The following SEC61A2 variants were observed in gnomAD, a reference collection of about 807,000 sequenced individuals.
SEC61A2 encodes protein transport protein Sec61 subunit alpha isoform 2.
In SEC61A2, 28 loss-of-function variants were observed where a neutral mutation model predicts 59.9. That is an observed-to-expected ratio of 0.47 (90% confidence interval 0.35 to 0.64). The LOEUF (loss-of-function observed/expected upper bound fraction) is 0.64. SEC61A2 is among the 30% of genes least tolerant of loss of function. The pLI is 0.01. For synonymous variants in SEC61A2, 202 were observed against 214.4 expected (o/e 0.94, Z 0.50); for missense variants, 340 against 585.9 (o/e 0.58, Z 4.33).
At chr10:12,163,949 C>T (rs1172445713) in intron 11 of SEC61A2, among the ~76,000 whole-genome samples, 2 of 152,116 alleles carry the variant, frequency 1.3e-5, no homozygotes, top group South Asian at 2.1e-4. Flanking sequence ...CAAGAGGGAA[C>T]GAAAGGTTAC....
chr10:12,168,392 T>C (rs1197800179), downstream of SEC61A2, among the ~76,000 whole-genome samples: 3 of 152,206 alleles, frequency 2.0e-5, no homozygotes, highest in Admixed American at 6.5e-5. The surrounding 1 kb of genome is among the most constrained non-coding windows in gnomAD (Gnocchi z 4.8). Flanking sequence ...ACCTCATTTA[T>C]AGCTGGGGTA....
intron 4 of SEC61A2, among the ~76,000 whole-genome samples, chr10:12,146,012 A>G (rs1159866426): frequency 6.6e-6 from 1 of 151,998 alleles, no homozygotes; most frequent in East Asian, 1.9e-4. Flanking sequence ...ACACTCCCAG[A>G]TTTATTTTAT....
chr10:12,139,437 G>A (rs1365212658), intron 3 of SEC61A2, among the ~76,000 whole-genome samples: 1 of 150,606 alleles, frequency 6.6e-6, no homozygotes, highest in Non-Finnish European at 1.5e-5. Flanking sequence ...ATCACCTGAG[G>A]TTGGGAGTTT....
At position 12,152,399 on chromosome 10, in the gene SEC61A2, G is replaced by A. The variant is rs189995205; in HGVS notation, c.462+2438G>A. 6.6e-5 allele frequency among the ~76,000 whole-genome samples: 10 copies of A among 152,230 alleles called. No individual in the cohort carries two copies. The East Asian group carries it at 9.7e-4, about 15-fold the overall frequency. ...CCCGCCCAGGGCAGGAATTTTTAAT[G>A]AAAATCAGGTTATTTGGAAGCTTTC... On this transcript the variant is annotated intron_variant, in intron 6 of 11. Transcript: ENST00000298428. This position sits in a 1 kb window ranked among gnomAD's most constrained non-coding sequence, Gnocchi z 5.5.
intron 3 of SEC61A2, among the ~76,000 whole-genome samples, chr10:12,137,860 G>T (rs2131648176): frequency 6.6e-6 from 1 of 152,150 alleles, no homozygotes; most frequent in East Asian, 1.9e-4. Flanking sequence ...ACAAAAATTA[G>T]CCAGGCATGG....
intron 2 of SEC61A2, among the ~76,000 whole-genome samples, chr10:12,134,911 T>A (rs567782290): frequency 1.0e-3 from 156 of 149,358 alleles, no homozygotes; most frequent in African/African-American, 3.7e-3. Flanking sequence ...AGGGTGAGAC[T>A]CTGTCTCAAA....
At position 12,155,974 on chromosome 10, in the gene SEC61A2, G is replaced by A. The variant is rs774993579; in HGVS notation, c.616+43G>A. ...TGCAACTGCACGCGTTTTGCTGGAT[G>A]TGTGCTGGGAACAAACCCATCGTGT... On this transcript the variant is annotated intron_variant, in intron 7 of 11. Coordinates refer to ENST00000298428, the MANE Select transcript of SEC61A2 (RefSeq NM_018144.4). This position sits in a 1 kb window ranked among gnomAD's most constrained non-coding sequence, Gnocchi z 4.3. 3.1e-6 allele frequency: 5 copies of A among 1,610,390 alleles called. No individual in the cohort carries two copies. In the Admixed American group the frequency reaches 5.0e-5, roughly 16 times the overall value.
At chr10:12,138,274 A>C (rs1273869617) in intron 3 of SEC61A2, among the ~76,000 whole-genome samples, 2 of 152,160 alleles carry the variant, frequency 1.3e-5, no homozygotes, top group African/African-American at 4.8e-5. Context: ...AAGTTTAAAG[A>C]AACAAAGAAA....
chr10:12,167,733 T>C (rs1239559326), downstream of SEC61A2: 4 of 1,614,046 alleles, frequency 2.5e-6, no homozygotes, highest in East Asian at 2.2e-5. Flanking sequence ...TTCAAATGGC[T>C]TTGCATTTGC....
chr10:12,163,409 C>T lies in SEC61A2; in HGVS notation c.1245-859C>T, dbSNP rs183997871. ...GCACCGTCTTGGCTCACTGCAACCT[C>T]GACCTCCTGGGATCAAGCGATTCTC... On this transcript the variant is annotated intron_variant, in intron 11 of 11. Transcript: ENST00000298428. 1.2e-4 allele frequency among the ~76,000 whole-genome samples: 18 copies of T among 150,744 alleles called. No homozygotes were observed. In the East Asian group the frequency reaches 2.3e-3, roughly 20 times the overall value.
downstream of SEC61A2, chr10:12,169,383 C>G: frequency 8.2e-7 from 1 of 1,217,938 alleles, no homozygotes; most frequent in Non-Finnish European, 1.2e-6. The surrounding 1 kb of genome is among the most constrained non-coding windows in gnomAD (Gnocchi z 4.8). Context: ...TTTCCACGCA[C>G]CTCCTCAGAG....
At chr10:12,169,071 G>A (rs980361997), downstream of SEC61A2, among the ~76,000 whole-genome samples, 13 of 152,078 alleles carry the variant, frequency 8.5e-5, no homozygotes, top group African/African-American at 3.1e-4. This position sits in a 1 kb window ranked among gnomAD's most constrained non-coding sequence, Gnocchi z 4.8. Context: ...CCAGCAAACT[G>A]ATCTTAAAAT....
rs1179510672 is a variant in SEC61A2, at chr10:12,143,767, G to C, written c.220+572G>C. 6.6e-6 allele frequency among the ~76,000 whole-genome samples: 1 copy of C among 152,022 alleles called. No individual in the cohort carries two copies. On this transcript the variant is annotated intron_variant, in intron 4 of 11. Coordinates refer to ENST00000298428, the MANE Select transcript of SEC61A2 (RefSeq NM_018144.4). The surrounding 1 kb of genome is among the most constrained non-coding windows in gnomAD (Gnocchi z 4.8). ...AGGGAGTCCAGTGTGTGAGCCAATC[G>C]GGGAGCTCAGCTGGAGCTGAGCCTG...
rs530140342 is a variant in SEC61A2, at chr10:12,136,986, G to A, written c.141+816G>A. Among the ~76,000 whole-genome samples, 110 of 151,958 alleles carry A rather than the reference G, an allele frequency of 7.2e-4. 1 individual carries two copies. Among genetic ancestry groups the A allele is most frequent in the Admixed American group, 1.6e-3 (24 of 15,268 alleles). ...TTGCTGTGTTGTTCAGGCTTATCTC[G>A]AACTCCTGACCTCAGGTGATCTACC... On this transcript the variant is annotated intron_variant, in intron 3 of 11. Transcript: ENST00000298428.
chr10:12,158,191 T>C lies in SEC61A2; in HGVS notation c.975+86T>C. 2.9e-6 allele frequency: 3 copies of C among 1,039,728 alleles called. No homozygotes were observed. The highest frequency in any genetic ancestry group is 4.3e-6 in the Non-Finnish European group (3 of 700,418). The allele number at this position is 1,039,728 out of a possible 1,614,324, so 64.4% of individuals were successfully genotyped here. A position where few individuals can be genotyped will look rare whatever the true frequency, so the allele number is the denominator to read the frequency against. On this transcript the variant is annotated intron_variant, in intron 9 of 11. Transcript: ENST00000298428. The surrounding 1 kb of genome is among the most constrained non-coding windows in gnomAD (Gnocchi z 5.7). Reference sequence around the variant, plus strand: ...ATTTTTAATGGAATGAGGTCGACATTGGAGCATTTGCTGTATTTTCAGATT... The same window carrying C: ...ATTTTTAATGGAATGAGGTCGACATCGGAGCATTTGCTGTATTTTCAGATT...
chr10:12,135,857 A>G (rs1342431888), intron 2 of SEC61A2, among the ~76,000 whole-genome samples: 3 of 152,156 alleles, frequency 2.0e-5, no homozygotes, highest in African/African-American at 7.2e-5. Context: ...TTCTTTATCC[A>G]GTCATCAAGA....
At chr10:12,139,978 A>G (rs571820821) in intron 3 of SEC61A2, among the ~76,000 whole-genome samples, 296 of 152,026 alleles carry the variant, frequency 1.9e-3, no homozygotes, top group African/African-American at 6.9e-3. Flanking sequence ...CAAAAAAAAA[A>G]AAAAAAAAGA....
At chr10:12,166,604 C>T (rs1453390826), downstream of SEC61A2, 1 of 377,970 alleles carries the variant, frequency 2.6e-6, no homozygotes, top group Non-Finnish European at 5.4e-6. Flanking sequence ...CTGGAGAGCC[C>T]TTTCATATGG....
Position 12,162,307 on chromosome 10 carries a change from A to T in SEC61A2, c.1244+18A>T. On this transcript the variant is annotated intron_variant, in intron 11 of 11. Coordinates refer to ENST00000298428, the MANE Select transcript of SEC61A2 (RefSeq NM_018144.4). This position sits in a 1 kb window ranked among gnomAD's most constrained non-coding sequence, Gnocchi z 6.1. ...CTTAATAGGTAAGGCTGCTAGACTG[A>T]CACCTTTATAGGCCTGTGTTTGTGT... The T allele has an allele frequency of 6.3e-7, 1 of 1,585,724 alleles. No homozygotes were observed. The highest frequency in any genetic ancestry group is 8.7e-7 in the Non-Finnish European group (1 of 1,154,382).
Sources: gnomAD v4.1 joint callset for allele counts (sites outside exome capture counted in the v4.1 genomes callset) on GRCh38, gnomAD v4.1.1 for gene constraint, Gnocchi (gnomAD v3.1) non-coding constraint, MANE v1.5 for transcripts, NCBI Gene and HGNC (gene_info 2026-07-23, HGNC 2026-07-21) for gene names.